The following OVCH2 variants were observed in gnomAD, a reference collection of about 807,000 sequenced individuals.
The protein encoded by OVCH2 is ovochymase-2.
OVCH2 carries 88 observed loss-of-function variants against 73.7 expected under a neutral mutation model. That is an observed-to-expected ratio of 1.19 (90% CI 1.01 to 1.43). OVCH2 has a LOEUF of 1.43. Among genes scored for constraint, OVCH2 ranks in the 40% most tolerant of loss-of-function variants. The probability of loss-of-function intolerance (pLI) is 0.00; values close to 1 mark genes in which losing one functional copy is unlikely to be tolerated. For missense variants in OVCH2, 706 were observed against 674.5 expected, an observed-to-expected ratio of 1.05 and a Z score of -0.52; for synonymous variants, 265 against 234.5, an observed-to-expected ratio of 1.13 and a Z score of -1.19.
chr11:7,683,143 A>G, the OVCH2 span, among the ~76,000 whole-genome samples: 1 of 152,210 alleles, frequency 6.6e-6, no homozygotes, highest in Non-Finnish European at 1.5e-5. Context: ...TGAAGTTTTC[A>G]TATCCAGGCT....
At chr11:7,687,335 T>A (rs1007952093), downstream of OVCH2, among the ~76,000 whole-genome samples, 3 of 150,314 alleles carry the variant, frequency 2.0e-5, no homozygotes, top group African/African-American at 7.3e-5. Flanking sequence ...ATAATAATAA[T>A]AATAATAAAG....
intron 12 of OVCH2, among the ~76,000 whole-genome samples, chr11:7,693,283 G>A (rs11041535): frequency 3.5e-4 from 53 of 152,230 alleles, no homozygotes; most frequent in Admixed American, 8.5e-4. Flanking sequence ...AAAGGTAGGC[G>A]TGGGGAGGGG....
At chr11:7,697,667 T>C (rs557699394) in intron 8 of OVCH2, among the ~76,000 whole-genome samples, 1 of 152,210 alleles carries the variant, frequency 6.6e-6, no homozygotes, top group African/African-American at 2.4e-5. Context: ...TCTTCCTCCT[T>C]CTTCGTTACA....
At chr11:7,706,170 T>C in intron 1 of OVCH2, 137 bp downstream of exon 1, 1 of 918,152 alleles carries the variant, frequency 1.1e-6, no homozygotes, top group Non-Finnish European at 1.6e-6. Flanking sequence ...CCAAAATAAT[T>C]GTTTAAAAAC....
chr11:7,692,093 G>A (rs1456444408), intron 12 of OVCH2, 98 bp from the exon 13 acceptor site: 4 of 828,854 alleles, frequency 4.8e-6, no homozygotes, highest in Non-Finnish European at 7.8e-6. Context: ...TTGTTCTGGA[G>A]TAAGACCTTA....
At chr11:7,692,632 C>A (rs2136151744) in intron 12 of OVCH2, among the ~76,000 whole-genome samples, 1 of 152,248 alleles carries the variant, frequency 6.6e-6, no homozygotes, top group South Asian at 2.1e-4. Context: ...GGCTCGGAGT[C>A]AAATGTAGTG....
the OVCH2 span, among the ~76,000 whole-genome samples, chr11:7,681,184 G>T: frequency 0.16 from 24,409 of 152,156 alleles, 2,056 homozygotes; most frequent in African/African-American, 0.18. Context: ...GGAGCACCCA[G>T]CCCACTCAGA....
At chr11:7,697,690 A>G (rs1413447193) in intron 8 of OVCH2, among the ~76,000 whole-genome samples, 1 of 151,948 alleles carries the variant, frequency 6.6e-6, no homozygotes, top group Non-Finnish European at 1.5e-5. Context: ...CTTTCATCTA[A>G]TTGGCTCCCA....
chr11:7,695,495 C>G, intron 11 of OVCH2, 75 bp downstream of exon 11: 2 of 1,402,358 alleles, frequency 1.4e-6, no homozygotes, highest in East Asian at 4.8e-5. Flanking sequence ...ATCCCTGCCA[C>G]TCACCTAATT....
At chr11:7,695,946 G>A (rs1426353510) in intron 10 of OVCH2, among the ~76,000 whole-genome samples, 1 of 152,144 alleles carries the variant, frequency 6.6e-6, no homozygotes, top group Non-Finnish European at 1.5e-5. Flanking sequence ...TCCTGCCCTT[G>A]TGACAACTGA....
downstream of OVCH2, among the ~76,000 whole-genome samples, chr11:7,689,230 G>A (rs1856174787): frequency 8.5e-5 from 13 of 152,218 alleles, no homozygotes; most frequent in Admixed American, 8.5e-4. Context: ...CTTAAAAGCA[G>A]GGCTGAGGCT....
chr11:7,681,767 C>T, the OVCH2 span, among the ~76,000 whole-genome samples: 207 of 150,010 alleles, frequency 1.4e-3, no homozygotes, highest in African/African-American at 4.9e-3. Flanking sequence ...AGAATTCCAC[C>T]TGCATGGACA....
chr11:7,697,008 T>G (rs1367659625), intron 8 of OVCH2: 3 of 564,320 alleles, frequency 5.3e-6, no homozygotes, highest in Non-Finnish European at 6.2e-6. Flanking sequence ...ATTGGTTTTC[T>G]TTCCTTAACT....
At chr11:7,696,049 C>T (rs1168016312) in intron 10 of OVCH2, among the ~76,000 whole-genome samples, 2 of 152,212 alleles carry the variant, frequency 1.3e-5, no homozygotes, top group Non-Finnish European at 2.9e-5. Context: ...CATTCCATTT[C>T]TGTTTCTTGT....
chr11:7,697,178 A>T (rs1229696203), intron 8 of OVCH2, among the ~76,000 whole-genome samples: 1 of 152,162 alleles, frequency 6.6e-6, no homozygotes, highest in African/African-American at 2.4e-5. Flanking sequence ...CTGAGACCAC[A>T]GACTCACACT....
intron 15 of OVCH2, 57 bp downstream of exon 15, chr11:7,689,867 C>T (rs1189845311): frequency 1.9e-6 from 2 of 1,078,270 alleles, no homozygotes; most frequent in African/African-American, 1.6e-5. Flanking sequence ...ACCTGCTTCT[C>T]CGGTTGAACC....
intron 8 of OVCH2, among the ~76,000 whole-genome samples, chr11:7,697,515 G>C (rs924926933): frequency 6.6e-6 from 1 of 152,096 alleles, no homozygotes; most frequent in East Asian, 1.9e-4. Flanking sequence ...TTTTTATGAC[G>C]GTTTCCTAGC....
At chr11:7,701,597 C>A in intron 5 of OVCH2, 119 bp downstream of exon 5, 1 of 1,464,706 alleles carries the variant, frequency 6.8e-7, no homozygotes, top group Admixed American at 2.1e-5. Flanking sequence ...TGTGACATTC[C>A]CTATCTTTAG....
chr11:7,704,787 C>T (rs1856503570), intron 1 of OVCH2, 113 bp from the exon 2 acceptor site: 1 of 652,290 alleles, frequency 1.5e-6, no homozygotes, highest in African/African-American at 1.9e-5. Context: ...TGGTGCTCAG[C>T]ACACATTCAG....
Sources: gnomAD v4.1 joint callset for allele counts (sites outside exome capture counted in the v4.1 genomes callset) on GRCh38, gnomAD v4.1.1 for gene constraint, MANE v1.5 for transcripts, NCBI Gene and HGNC (gene_info 2026-07-23, HGNC 2026-07-21) for gene names.